The following UNC13C variants were observed in gnomAD, a reference collection of about 807,000 sequenced individuals.
The protein encoded by UNC13C is protein unc-13 homolog C.
Under a neutral mutation model 245.4 loss-of-function variants are expected in UNC13C, and 174 were observed. The ratio of observed to expected loss-of-function variants is 0.71; its 90% CI spans 0.63 to 0.80. The LOEUF (loss-of-function observed/expected upper bound fraction) is 0.80. UNC13C is among the 30% of genes least tolerant of loss of function. The pLI, the probability that UNC13C is intolerant of heterozygous loss-of-function variation, is 0.00. For synonymous variants in UNC13C, 992 were observed against 895.1 expected (o/e 1.11, Z -1.93); for missense variants, 2,829 against 2,602.9 (o/e 1.09, Z -1.89).
chr15:54,062,632 G>C (rs1897894858), intron 2 of UNC13C, among the ~76,000 whole-genome samples: 1 of 152,130 alleles, frequency 6.6e-6, no homozygotes, highest in Non-Finnish European at 1.5e-5. Context: ...TAAAGCAGTG[G>C]TCCTTAGTTT....
intron 4 of UNC13C, among the ~76,000 whole-genome samples, chr15:54,174,665 G>C (rs535516088): frequency 7.1e-4 from 108 of 152,242 alleles, no homozygotes; most frequent in African/African-American, 2.5e-3. Context: ...TGTTAAACAA[G>C]CAAAGCAAAA....
At chr15:54,167,361 G>A (rs1398425834) in intron 4 of UNC13C, among the ~76,000 whole-genome samples, 1 of 151,442 alleles carries the variant, frequency 6.6e-6, no homozygotes, top group Non-Finnish European at 1.5e-5. Flanking sequence ...AATTAGCCGG[G>A]CGTGATGGTG....
At chr15:54,464,015 C>T (rs991191845) in intron 19 of UNC13C, among the ~76,000 whole-genome samples, 5 of 151,948 alleles carry the variant, frequency 3.3e-5, no homozygotes, top group Non-Finnish European at 5.9e-5. Flanking sequence ...ATGATGGTGA[C>T]GATAAAGAAG....
Position 54,105,038 on chromosome 15 carries a change from G to C in UNC13C, c.2984-37980G>C, listed in dbSNP as rs543998311. On this transcript the variant is annotated intron_variant, in intron 2 of 32. Transcript: ENST00000260323. ...CACTTTGTCTGGAGGAAAAGCCCCA[G>C]TTTTTCTACCTGAGGGATATACACC... Among the ~76,000 whole-genome samples the C allele has an allele frequency of 1.1e-3, 173 of 152,216 alleles. 1 individual carries two copies. The highest frequency in any genetic ancestry group is 1.4e-3 in the Non-Finnish European group (94 of 67,984).
chr15:54,620,326 A>AACTT (rs1900715726), intron 30 of UNC13C, among the ~76,000 whole-genome samples: 2 of 152,246 alleles, frequency 1.3e-5, no homozygotes, highest in Middle Eastern at 3.4e-3. Context: ...AGAAAGGAAA[A>AACTT]ACTTACATTG....
At chr15:54,168,230 T>G (rs1395689008) in intron 4 of UNC13C, among the ~76,000 whole-genome samples, 1 of 146,676 alleles carries the variant, frequency 6.8e-6, no homozygotes, top group Non-Finnish European at 1.5e-5. Context: ...TCCCATGTTG[T>G]CTTTAAAAAG....
chr15:54,557,480 C>T (rs1897136755), intron 29 of UNC13C, among the ~76,000 whole-genome samples: 1 of 151,866 alleles, frequency 6.6e-6, no homozygotes, highest in Non-Finnish European at 1.5e-5. Context: ...TCCTACCAAA[C>T]ATTAATTGTG....
Position 54,014,131 on chromosome 15 carries a change from A to C in UNC13C, c.1228A>C (p.Thr410Pro), listed in dbSNP as rs1223930004. 2 of 1,613,590 alleles carry C rather than the reference A, an allele frequency of 1.2e-6. No homozygotes were observed. The highest frequency in any genetic ancestry group is 1.7e-6 in the Non-Finnish European group (2 of 1,179,814). Reference sequence around the variant, plus strand: ...CATTGGAATCTCAACAGATATTCTAACTCATGACATCAGAGAAAGAAAAGA... The same window carrying C: ...CATTGGAATCTCAACAGATATTCTACCTCATGACATCAGAGAAAGAAAAGA... ...TGIGISTDIL[T>P]HDIRERKEKG... The change falls in exon 2 of 33, where the codon ACT (threonine) becomes CCT (proline). Residue 410 changes from threonine (T) to proline (P), a missense_variant. Coordinates refer to ENST00000260323, the MANE Select transcript of UNC13C (RefSeq NM_001080534.3).
chr15:54,114,352 A>T (rs1004144232), intron 2 of UNC13C, among the ~76,000 whole-genome samples: 3 of 152,212 alleles, frequency 2.0e-5, no homozygotes, highest in African/African-American at 7.2e-5. Flanking sequence ...CACTATAAAA[A>T]ATTTAATGTC....
At chr15:54,482,914 T>C (rs747728450) in intron 19 of UNC13C, among the ~76,000 whole-genome samples, 13 of 152,218 alleles carry the variant, frequency 8.5e-5, no homozygotes, top group Non-Finnish European at 1.6e-4. Flanking sequence ...TCTTATCCTC[T>C]AACTTTTTAA....
intron 4 of UNC13C, among the ~76,000 whole-genome samples, chr15:54,207,209 T>A (rs1386796780): frequency 7.2e-5 from 11 of 152,024 alleles, no homozygotes; most frequent in Admixed American, 7.2e-4. Flanking sequence ...GAAATTTGAT[T>A]CCTGATGTGG....
intron 17 of UNC13C, among the ~76,000 whole-genome samples, chr15:54,353,172 A>G (rs761162386): frequency 6.6e-6 from 1 of 152,214 alleles, no homozygotes; most frequent in Non-Finnish European, 1.5e-5. Context: ...AAACACAGTC[A>G]GTATCCTCAT....
At chr15:54,151,329 A>G (rs2032505202) in intron 4 of UNC13C, among the ~76,000 whole-genome samples, 1 of 152,156 alleles carries the variant, frequency 6.6e-6, no homozygotes, top group South Asian at 2.1e-4. Context: ...ATTTAAGAAC[A>G]TGAAACCTCA....
At chr15:54,256,570 A>T (rs2036284169) in intron 8 of UNC13C, among the ~76,000 whole-genome samples, 1 of 152,332 alleles carries the variant, frequency 6.6e-6, no homozygotes, top group South Asian at 2.1e-4. Flanking sequence ...TTGGAAGGAA[A>T]GTCATCCCTT....
intron 24 of UNC13C, among the ~76,000 whole-genome samples, chr15:54,515,562 T>G (rs1041589392): frequency 3.3e-5 from 5 of 152,180 alleles, no homozygotes; most frequent in Non-Finnish European, 5.9e-5. Context: ...TTAATTTCTT[T>G]TCAGGAAGTT....
intron 2 of UNC13C, among the ~76,000 whole-genome samples, chr15:54,058,289 G>A (rs576084902): frequency 7.9e-5 from 12 of 152,152 alleles, no homozygotes; most frequent in East Asian, 3.9e-4. Context: ...TGTCACCACC[G>A]ATCCCACAGA....
intron 2 of UNC13C, among the ~76,000 whole-genome samples, chr15:54,117,845 T>G (rs1162371390): frequency 6.6e-6 from 1 of 152,156 alleles, no homozygotes; most frequent in Non-Finnish European, 1.5e-5. Flanking sequence ...CCTCCCAAAG[T>G]GCTGAGGTTA....
At chr15:54,240,988 A>C (rs563466300) in intron 7 of UNC13C, among the ~76,000 whole-genome samples, 2 of 152,292 alleles carry the variant, frequency 1.3e-5, no homozygotes, top group Middle Eastern at 3.4e-3. Context: ...CTCAGCCAAA[A>C]ATCTCTACTT....
intron 19 of UNC13C, among the ~76,000 whole-genome samples, chr15:54,435,745 TAATA>T (rs1444224048): frequency 8.8e-6 from 1 of 113,662 alleles, no homozygotes; most frequent in African/African-American, 3.2e-5. Context: ...ATTTAAAAAA[TAATA>T]AATAAAAATA....
Sources: gnomAD v4.1 joint callset for allele counts (sites outside exome capture counted in the v4.1 genomes callset) on GRCh38, gnomAD v4.1.1 for gene constraint, MANE v1.5 for transcripts, NCBI Gene and HGNC (gene_info 2026-07-23, HGNC 2026-07-21) for gene names.